The following LRRTM4 variants were observed in gnomAD, a reference collection of about 807,000 sequenced individuals.
LRRTM4 encodes the protein leucine rich repeat transmembrane neuronal 4, also known as leucine-rich repeat transmembrane neuronal protein 4.
A neutral mutation model predicts 47.6 loss-of-function variants in LRRTM4; 25 were observed. The ratio of observed to expected loss-of-function variants is 0.53; its 90% CI spans 0.38 to 0.73. The LOEUF is 0.73. LRRTM4 is among the 30% of genes least tolerant of loss of function. LRRTM4 has a pLI of 0.00. For missense variants in LRRTM4, 638 were observed against 713.4 expected (o/e 0.89, Z 1.20); for synonymous variants, 311 against 269.5 (o/e 1.15, Z -1.51).
At chr2:77,162,112 A>G (rs1672745933) in intron 3 of LRRTM4, among the ~76,000 whole-genome samples, 1 of 152,180 alleles carries the variant, frequency 6.6e-6, no homozygotes, top group African/African-American at 2.4e-5. Flanking sequence ...AAATCAGGAC[A>G]CTACCACCCT....
chr2:77,414,743 G>A lies in LRRTM4; in HGVS notation c.1551+103575C>T, dbSNP rs560685511. Among the ~76,000 whole-genome samples, 6 of 152,270 alleles carry A rather than the reference G, an allele frequency of 3.9e-5. No individual in the cohort carries two copies. In the South Asian group the frequency reaches 1.2e-3, roughly 32 times the overall value. ...TGTACTGCTCATGCAAGGAATTTAT[G>A]TTTTAGTTTATGTGATCAATGAGCA... is the stretch of plus-strand genomic sequence containing the variant. On this transcript the variant is annotated intron_variant, in intron 3 of 3. Coordinates refer to ENST00000409884, the MANE Select transcript of LRRTM4 (RefSeq NM_001134745.3).
intron 3 of LRRTM4, among the ~76,000 whole-genome samples, chr2:76,804,329 A>T (rs1022427324): frequency 5.9e-5 from 9 of 152,094 alleles, no homozygotes; most frequent in African/African-American, 2.2e-4. Context: ...TTATATGTCT[A>T]CCTTTTGATT....
intron 3 of LRRTM4, among the ~76,000 whole-genome samples, chr2:77,444,486 T>A (rs987506300): frequency 1.3e-5 from 2 of 152,080 alleles, no homozygotes; most frequent in Non-Finnish European, 1.5e-5. Context: ...ACTCAATTGA[T>A]TATTTCCAGG....
chr2:77,235,306 T>C (rs553012701), intron 3 of LRRTM4, among the ~76,000 whole-genome samples: 2 of 152,200 alleles, frequency 1.3e-5, no homozygotes, highest in Non-Finnish European at 2.9e-5. Context: ...CATTTTTTCA[T>C]GTTTGTTGGC....
intron 3 of LRRTM4, among the ~76,000 whole-genome samples, chr2:77,399,387 A>C (rs1673847122): frequency 6.6e-6 from 1 of 151,794 alleles, no homozygotes. Flanking sequence ...AATTGGCACA[A>C]ATACTACATG....
chr2:77,052,213 G>C (rs1345902213), intron 3 of LRRTM4, among the ~76,000 whole-genome samples: 2 of 135,716 alleles, frequency 1.5e-5, no homozygotes, highest in Non-Finnish European at 3.0e-5. Context: ...GCCCAGGCTG[G>C]AGTACAGTGC....
chr2:77,495,086 T>G (rs1678309456), intron 3 of LRRTM4, among the ~76,000 whole-genome samples: 1 of 152,124 alleles, frequency 6.6e-6, no homozygotes, highest in African/African-American at 2.4e-5. Flanking sequence ...AGTTGGATAT[T>G]GCAAATAATG....
chr2:77,166,315 C>A (rs1018355753), intron 3 of LRRTM4, among the ~76,000 whole-genome samples: 1 of 152,104 alleles, frequency 6.6e-6, no homozygotes, highest in African/African-American at 2.4e-5. Context: ...AGGACACAAA[C>A]AAATGGAAGA....
In LRRTM4 at chr2:76,848,683, T is replaced by A. The variant is rs186585005; in HGVS notation, c.1552-99767A>T. ...ATGGATATTATCTGTATATAATTTATAACAAGGATTTTTAAACTTGTAATG... is the reference window on the plus strand; with the variant it reads ...ATGGATATTATCTGTATATAATTTAAAACAAGGATTTTTAAACTTGTAATG... On this transcript the variant is annotated intron_variant, in intron 3 of 3. Coordinates refer to ENST00000409884, the MANE Select transcript of LRRTM4 (RefSeq NM_001134745.3). Among the ~76,000 whole-genome samples the A allele has an allele frequency of 4.1e-3, 618 of 152,260 alleles. 2 individuals are homozygous for A. The highest frequency in any genetic ancestry group is 7.2e-3 in the Non-Finnish European group (490 of 68,006).
At chr2:77,187,619 T>C (rs1673548547) in intron 3 of LRRTM4, among the ~76,000 whole-genome samples, 3 of 151,932 alleles carry the variant, frequency 2.0e-5, no homozygotes, top group Admixed American at 2.0e-4. Context: ...AAACTTAAAG[T>C]ATAATAATAA....
intron 3 of LRRTM4, among the ~76,000 whole-genome samples, chr2:77,367,242 A>G (rs1396214337): frequency 6.6e-6 from 1 of 150,928 alleles, no homozygotes; most frequent in African/African-American, 2.4e-5. Context: ...CCTGCCCCCA[A>G]ATAGGTTTCC....
At chr2:77,375,551 C>G (rs1672805431) in intron 3 of LRRTM4, among the ~76,000 whole-genome samples, 1 of 151,804 alleles carries the variant, frequency 6.6e-6, no homozygotes, top group South Asian at 2.1e-4. Context: ...ACTTAATCAT[C>G]TTGTATAACT....
intron 3 of LRRTM4, among the ~76,000 whole-genome samples, chr2:76,884,247 A>C (rs1403022959): frequency 2.0e-5 from 3 of 152,218 alleles, no homozygotes; most frequent in Non-Finnish European, 4.4e-5. Context: ...CTATAACCTT[A>C]TTTAGGGAAG....
At chr2:76,973,894 A>G (rs1226471078) in intron 3 of LRRTM4, among the ~76,000 whole-genome samples, 1 of 151,786 alleles carries the variant, frequency 6.6e-6, no homozygotes, top group Non-Finnish European at 1.5e-5. Context: ...AATGTAATGG[A>G]AAGTTACTGT....
At chr2:77,222,876 A>G (rs1674681227) in intron 3 of LRRTM4, among the ~76,000 whole-genome samples, 1 of 152,194 alleles carries the variant, frequency 6.6e-6, no homozygotes, top group African/African-American at 2.4e-5. Context: ...CATCATCCTG[A>G]TACCAAAGCC....
At chr2:76,941,559 G>A (rs1328819754) in intron 3 of LRRTM4, among the ~76,000 whole-genome samples, 2 of 151,366 alleles carry the variant, frequency 1.3e-5, no homozygotes, top group African/African-American at 4.9e-5. Context: ...GTGAGAACAT[G>A]CGATTTTTGG....
intron 3 of LRRTM4, among the ~76,000 whole-genome samples, chr2:76,803,132 T>G (rs2103781543): frequency 6.6e-6 from 1 of 152,192 alleles, no homozygotes; most frequent in South Asian, 2.1e-4. Flanking sequence ...TCTAAAAAAC[T>G]TCTGCATAGC....
intron 3 of LRRTM4, among the ~76,000 whole-genome samples, chr2:77,086,043 T>A (rs1019422278): frequency 2.0e-5 from 3 of 152,160 alleles, no homozygotes; most frequent in African/African-American, 7.2e-5. Flanking sequence ...TTTAAAAATA[T>A]CCTATGAAAG....
chr2:77,146,714 A>ACT (rs1291921239), intron 3 of LRRTM4, among the ~76,000 whole-genome samples: 2 of 152,132 alleles, frequency 1.3e-5, no homozygotes, highest in African/African-American at 4.8e-5. Context: ...TTGCTATTTC[A>ACT]CTCTAATGGA....
Sources: allele counts gnomAD v4.1 joint callset (sites outside exome capture counted in the v4.1 genomes callset), GRCh38; gene constraint gnomAD v4.1.1; transcripts MANE v1.5; gene names NCBI Gene and HGNC (gene_info 2026-07-23, HGNC 2026-07-21).